Variants in MAP3K2 observed in about 807,000 individuals in gnomAD.
The protein encoded by MAP3K2 is mitogen-activated protein kinase kinase kinase 2, also known as MAP/ERK kinase kinase 2.
A neutral mutation model predicts 80.3 loss-of-function variants in MAP3K2; 24 were observed. That is an observed-to-expected ratio of 0.30 (90% CI 0.22 to 0.42). MAP3K2 has a LOEUF of 0.42. Among genes scored for constraint, MAP3K2 ranks in the 10% least tolerant of loss-of-function variants. The pLI, the probability that MAP3K2 is intolerant of heterozygous loss-of-function variation, is 1.00. For synonymous variants in MAP3K2, 244 were observed against 253.7 expected (o/e 0.96, Z 0.36); for missense variants, 608 against 750.1 (o/e 0.81, Z 2.21).
Position 127,304,800 on chromosome 2 carries a change from A to G in MAP3K2, c.*2779T>C, listed in dbSNP as rs1685664911. ...GGTCTTCCATACCCTCCACCCCCAC[A>G]CCTTCAAGCTTTTTTGTTCTAGTAG... On this transcript the variant is annotated 3_prime_UTR_variant, in exon 17 of 17. Transcript: ENST00000682094. 1 of 152,216 alleles carries G rather than the reference A, an allele frequency of 6.6e-6. No individual in the cohort carries two copies. Among genetic ancestry groups the G allele is most frequent in the Admixed American group, 6.6e-5 (1 of 15,204 alleles). The allele number at this position is 152,216 out of a possible 1,614,324, so 9.4% of individuals were successfully genotyped here. A position where few individuals can be genotyped will look rare whatever the true frequency, so the allele number is the denominator to read the frequency against.
At chr2:127,366,894 C>T (rs1454383691) in intron 1 of MAP3K2, among the ~76,000 whole-genome samples, 1 of 86,500 alleles carries the variant, frequency 1.2e-5, no homozygotes, top group Non-Finnish European at 2.1e-5. Context: ...TTTTTTGAGA[C>T]AGAGTCTCGC....
rs1685569250 is a variant in MAP3K2, at chr2:127,300,434, A to G, written c.*7145T>C. 6.7e-6 allele frequency: 1 copy of G among 148,742 alleles called. No individual in the cohort carries two copies. The highest frequency in any genetic ancestry group is 1.5e-5 in the Non-Finnish European group (1 of 67,996). 9.2% of individuals were successfully genotyped at this position (148,742 alleles called of 1,614,324 possible). A position where few individuals can be genotyped will look rare whatever the true frequency, so the allele number is the denominator to read the frequency against. On this transcript the variant is annotated 3_prime_UTR_variant, in exon 17 of 17. Coordinates refer to ENST00000682094, the MANE Select transcript of MAP3K2 (RefSeq NM_001371910.2). ...TTAATGGCTACATTTAAAAATGTAC[A>G]TTATTATGTCAAAGGGTAAATTTAC...
rs1686088627 is a variant in MAP3K2, at chr2:127,324,338, G to GT, written c.678-98dup. 6.0e-6 allele frequency: 4 copies of GT among 670,544 alleles called. No homozygotes were observed. In the Admixed American group the frequency reaches 1.4e-4, roughly 23 times the overall value. 41.5% of individuals were successfully genotyped at this position (670,544 alleles called of 1,614,324 possible). A position where few individuals can be genotyped will look rare whatever the true frequency, so the allele number is the denominator to read the frequency against. The stretch of plus-strand genomic sequence containing the variant: ...TATCTATATCTATCTGTGCCTCTCT[G>GT]TATGTGTTTGTGTAAAGGAGCTCAC... On this transcript the variant is annotated intron_variant, in intron 9 of 16. Coordinates refer to ENST00000682094, the MANE Select transcript of MAP3K2 (RefSeq NM_001371910.2).
chr2:127,332,100 C>T (rs1357517429), intron 5 of MAP3K2, among the ~76,000 whole-genome samples: 2 of 152,172 alleles, frequency 1.3e-5, no homozygotes, highest in East Asian at 3.9e-4. Flanking sequence ...GAATTTTTTT[C>T]TAATAAAATA....
intron 1 of MAP3K2, among the ~76,000 whole-genome samples, chr2:127,379,612 T>C (rs2104901098): frequency 6.6e-6 from 1 of 152,350 alleles, no homozygotes; most frequent in South Asian, 2.1e-4. Flanking sequence ...CTTCAAGGCC[T>C]TCTGGAAATA....
chr2:127,368,381 G>A (rs1049491279), intron 1 of MAP3K2, among the ~76,000 whole-genome samples: 1 of 151,970 alleles, frequency 6.6e-6, no homozygotes, highest in Non-Finnish European at 1.5e-5. Context: ...CCAGCACTTT[G>A]GGAGGCTGAG....
intron 5 of MAP3K2, among the ~76,000 whole-genome samples, chr2:127,335,179 A>G (rs1296586157): frequency 3.3e-5 from 5 of 152,352 alleles, no homozygotes; most frequent in East Asian, 3.9e-4. Context: ...GCTGCAACTT[A>G]TAACTTATAG....
intron 14 of MAP3K2, among the ~76,000 whole-genome samples, chr2:127,316,489 A>G (rs1685907793): frequency 6.6e-6 from 1 of 152,232 alleles, no homozygotes; most frequent in Non-Finnish European, 1.5e-5. Context: ...AGATGTCACA[A>G]ATCACATTTT....
intron 1 of MAP3K2, among the ~76,000 whole-genome samples, chr2:127,366,601 T>C (rs1047038171): frequency 5.9e-5 from 9 of 152,298 alleles, no homozygotes; most frequent in African/African-American, 1.9e-4. Context: ...ATTTTGGGCT[T>C]ATCCAAGTGT....
At position 127,314,817 on chromosome 2, in the gene MAP3K2, G is replaced by A. The variant is rs368781392; in HGVS notation, c.1393C>T (p.Arg465Cys). 13 of 1,606,868 alleles carry A rather than the reference G, an allele frequency of 8.1e-6. No individual in the cohort carries two copies. The highest frequency in any genetic ancestry group is 2.7e-5 in the African/African-American group (2 of 74,758). The change falls in exon 15 of 17, where the codon CGT becomes TGT. Residue 465 changes from arginine (R) to cysteine (C), a missense_variant. Arg to Cys is a radical substitution (Grantham distance 180). Coordinates refer to ENST00000682094, the MANE Select transcript of MAP3K2 (RefSeq NM_001371910.2). ...LTENVTRKYT[R>C]QILEGVHYLH... is the part of the protein sequence containing the mutation. Reference sequence around the variant, plus strand: ...TAATGGACACCCTCCAGAATCTGACGGGTGTATTTCCTAGTCACATTCTCA... The same window carrying A: ...TAATGGACACCCTCCAGAATCTGACAGGTGTATTTCCTAGTCACATTCTCA...
chr2:127,386,344 C>T (rs1332827193), intron 1 of MAP3K2, among the ~76,000 whole-genome samples: 1 of 152,160 alleles, frequency 6.6e-6, no homozygotes, highest in Non-Finnish European at 1.5e-5. Flanking sequence ...GCACTCCATA[C>T]AAATGAAAAA....
At chr2:127,312,898 G>T (rs184417476) in intron 15 of MAP3K2, among the ~76,000 whole-genome samples, 70 of 149,442 alleles carry the variant, frequency 4.7e-4, no homozygotes, top group African/African-American at 1.6e-3. Flanking sequence ...GGGTGGGGGC[G>T]GAGGTTGTGG....
chr2:127,308,981 G>GT (rs1332472549), intron 15 of MAP3K2, among the ~76,000 whole-genome samples: 1 of 152,166 alleles, frequency 6.6e-6, no homozygotes, highest in Non-Finnish European at 1.5e-5. Flanking sequence ...TCAGCTGTGT[G>GT]TTTAGGACCT....
intron 1 of MAP3K2, among the ~76,000 whole-genome samples, chr2:127,362,809 C>A (rs1457318408): frequency 6.6e-6 from 1 of 152,140 alleles, no homozygotes; most frequent in Non-Finnish European, 1.5e-5. Flanking sequence ...GCACTTAGAA[C>A]AATACCAGAG....
Position 127,334,078 on chromosome 2 carries a change from T to C in MAP3K2, c.264+1792A>G, listed in dbSNP as rs80082340. Among the ~76,000 whole-genome samples, 466 of 152,094 alleles carry C rather than the reference T, an allele frequency of 3.1e-3. 19 individuals carry two copies. The East Asian group carries it at 0.081, about 27-fold the overall frequency. ...TCGGGCCACTGCATTCCAACCTGGG[T>C]GACAGAGTGAAACCTCGTCTCACAC... On this transcript the variant is annotated intron_variant, in intron 5 of 16. Transcript: ENST00000682094.
chr2:127,356,435 T>C (rs146227150), intron 1 of MAP3K2, among the ~76,000 whole-genome samples: 2 of 151,642 alleles, frequency 1.3e-5, no homozygotes, highest in East Asian at 3.9e-4. Flanking sequence ...AAACTGTATA[T>C]ACTTTAATTT....
In MAP3K2 at chr2:127,330,535, T is replaced by G. The variant is rs116203401; in HGVS notation, c.265-30A>C. ...AAACAAACATAAGGAACCATGCAGC[T>G]ATCTCACCAGGTCAAGTTCTTCCAT... On this transcript the variant is annotated intron_variant, in intron 5 of 16. Coordinates refer to ENST00000682094, the MANE Select transcript of MAP3K2 (RefSeq NM_001371910.2). 876 of 1,119,332 alleles carry G rather than the reference T, an allele frequency of 7.8e-4. 1 individual carries two copies. The highest frequency in any genetic ancestry group is 1.1e-3 in the Non-Finnish European group (806 of 749,630). The allele number at this position is 1,119,332 out of a possible 1,614,324, so 69.3% of individuals were successfully genotyped here. A position where few individuals can be genotyped will look rare whatever the true frequency, so the allele number is the denominator to read the frequency against.
rs1019994871 is a variant in MAP3K2 at position 127,304,284 on chromosome 2, T to G, written c.*3295A>C. 1 of 152,154 alleles carries G rather than the reference T, an allele frequency of 6.6e-6. No individual in the cohort carries two copies. The highest frequency in any genetic ancestry group is 1.5e-5 in the Non-Finnish European group (1 of 68,008). The allele number at this position is 152,154 out of a possible 1,614,324, so 9.4% of individuals were successfully genotyped here. ...TACTGAAATTTTCAGTCTGTATACT[T>G]TCAAATACATTTTAAATAATTAACA... On this transcript the variant is annotated 3_prime_UTR_variant, in exon 17 of 17. Transcript: ENST00000682094.
chr2:127,322,721 G>A lies in MAP3K2; in HGVS notation c.839-469C>T, dbSNP rs1212868553. Among the ~76,000 whole-genome samples the A allele has an allele frequency of 1.3e-5, 2 of 151,890 alleles. No homozygotes were observed. Among genetic ancestry groups the A allele is most frequent in the African/African-American group, 4.8e-5 (2 of 41,386 alleles). On this transcript the variant is annotated intron_variant, in intron 11 of 16. Coordinates refer to ENST00000682094, the MANE Select transcript of MAP3K2 (RefSeq NM_001371910.2). This position sits in a 1 kb window ranked among gnomAD's most constrained non-coding sequence, Gnocchi z 4.2. The stretch of plus-strand genomic sequence containing the variant: ...CGATTCTCCTGTCTCAGCCTCCCAA[G>A]TAGCTGGGATTACAGGCGCCCACCA...
Sources: allele counts gnomAD v4.1 joint callset (sites outside exome capture counted in the v4.1 genomes callset), GRCh38; gene constraint gnomAD v4.1.1; non-coding constraint Gnocchi (gnomAD v3.1); transcripts MANE v1.5; gene names NCBI Gene and HGNC (gene_info 2026-07-23, HGNC 2026-07-21).